The following MTSS1 variants were observed in gnomAD, a reference collection of about 807,000 sequenced individuals.
The protein encoded by MTSS1 is MTSS I-BAR domain containing 1, also known as protein MTSS 1.
Under a neutral mutation model 79.0 loss-of-function variants are expected in MTSS1, and 18 were observed. The ratio of observed to expected loss-of-function variants is 0.23; its 90% CI spans 0.16 to 0.34. The LOEUF (loss-of-function observed/expected upper bound fraction) is 0.34. Ranked by LOEUF, MTSS1 falls within the 10% of genes least tolerant of loss-of-function variation. The probability of loss-of-function intolerance (pLI) is 1.00; values close to 1 mark genes in which losing one functional copy is unlikely to be tolerated. For synonymous variants in MTSS1, 341 were observed against 368.6 expected (o/e 0.93, Z 0.86); for missense variants, 815 against 986.2 (o/e 0.83, Z 2.33).
intron 6 of MTSS1, among the ~76,000 whole-genome samples, chr8:124,573,133 C>T: frequency 6.6e-6 from 1 of 152,214 alleles, no homozygotes; most frequent in East Asian, 1.9e-4. Context: ...CTTAACATGG[C>T]CTGCCCTGCA....
At chr8:124,591,370 C>T (rs1032347000) in intron 3 of MTSS1, 135 bp from the exon 4 acceptor site, 1 of 705,922 alleles carries the variant, frequency 1.4e-6, no homozygotes. Context: ...AGCTTCTCAC[C>T]ATGCCCATGT....
At chr8:124,647,711 C>T (rs936877763) in intron 3 of MTSS1, among the ~76,000 whole-genome samples, 10 of 152,228 alleles carry the variant, frequency 6.6e-5, no homozygotes, top group African/African-American at 2.4e-4. Flanking sequence ...TGTTACAGCT[C>T]GTCAGCTATA....
At chr8:124,679,266 C>T (rs1825774124) in intron 3 of MTSS1, among the ~76,000 whole-genome samples, 1 of 152,170 alleles carries the variant, frequency 6.6e-6, no homozygotes, top group African/African-American at 2.4e-5. Flanking sequence ...TAGGTATGAC[C>T]ATCCTCACTG....
chr8:124,691,060 C>G (rs895806949), intron 3 of MTSS1, among the ~76,000 whole-genome samples: 1 of 152,132 alleles, frequency 6.6e-6, no homozygotes, highest in Non-Finnish European at 1.5e-5. Flanking sequence ...GTAAGACAAA[C>G]TTCACATGCC....
At chr8:124,675,058 GA>G (rs1264091953) in intron 3 of MTSS1, among the ~76,000 whole-genome samples, 1 of 152,198 alleles carries the variant, frequency 6.6e-6, no homozygotes, top group Admixed American at 6.5e-5. Flanking sequence ...TTCAAACAGA[GA>G]AAGCCAGCTC....
chr8:124,693,107 T>C (rs1189716061), intron 3 of MTSS1, among the ~76,000 whole-genome samples: 1 of 151,914 alleles, frequency 6.6e-6, no homozygotes, highest in Non-Finnish European at 1.5e-5. Context: ...TCCTCAAGCA[T>C]ACAAACAGGG....
Position 124,552,914 on chromosome 8 carries a change from A to G in MTSS1, c.*78T>C. 1 of 1,417,222 alleles carries G rather than the reference A, an allele frequency of 7.1e-7. No homozygotes were observed. Among genetic ancestry groups the G allele is most frequent in the Non-Finnish European group, 9.6e-7 (1 of 1,037,372 alleles). 87.8% of individuals were successfully genotyped at this position (1,417,222 alleles called of 1,614,324 possible). On this transcript the variant is annotated 3_prime_UTR_variant, in exon 14 of 14. Transcript: ENST00000518547. Reference sequence around the variant, plus strand: ...TGCCTACAAAATCTTTTGTTTTATTATAGAGTGGAATGGATCAAGACAAAT... The same window carrying G: ...TGCCTACAAAATCTTTTGTTTTATTGTAGAGTGGAATGGATCAAGACAAAT...
At chr8:124,627,673 C>CGGG (rs145263619) in intron 3 of MTSS1, among the ~76,000 whole-genome samples, 1 of 151,912 alleles carries the variant, frequency 6.6e-6, no homozygotes, top group African/African-American at 2.4e-5. Flanking sequence ...CCAGGGGTGG[C>CGGG]GGGGGGGTCC....
At position 124,585,130 on chromosome 8, in the gene MTSS1, CTTT is replaced by C; in HGVS notation, c.414_416del (p.Lys140del). The C allele has an allele frequency of 1.2e-6, 2 of 1,613,640 alleles. No individual in the cohort carries two copies. The highest frequency in any genetic ancestry group is 1.1e-5 in the South Asian group (1 of 90,982). On this transcript the variant is annotated inframe_deletion, in exon 6 of 14. Coordinates refer to ENST00000518547, the MANE Select transcript of MTSS1 (RefSeq NM_014751.6). The stretch of plus-strand genomic sequence containing the variant: ...GCAGTTTCAGCGTATCCGAGGACTT[CTTT>C]TTTATCTCTTGGCGGGCTTTCTTAT...
At chr8:124,653,992 A>T (rs1395685553) in intron 3 of MTSS1, among the ~76,000 whole-genome samples, 1 of 152,204 alleles carries the variant, frequency 6.6e-6, no homozygotes, top group Non-Finnish European at 1.5e-5. Flanking sequence ...TTCCTATCAC[A>T]GACTTCCATC....
At chr8:124,634,888 C>G (rs1001212509) in intron 3 of MTSS1, among the ~76,000 whole-genome samples, 1 of 152,236 alleles carries the variant, frequency 6.6e-6, no homozygotes, top group African/African-American at 2.4e-5. Context: ...TTCCCATGCA[C>G]ATTGGAGTTT....
At chr8:124,621,700 C>T (rs773559341) in intron 3 of MTSS1, among the ~76,000 whole-genome samples, 17 of 152,134 alleles carry the variant, frequency 1.1e-4, no homozygotes, top group Non-Finnish European at 2.1e-4. Flanking sequence ...AGGTGCACGC[C>T]ACCACACCTA....
At chr8:124,620,663 T>C (rs1480466672) in intron 3 of MTSS1, among the ~76,000 whole-genome samples, 2 of 152,184 alleles carry the variant, frequency 1.3e-5, no homozygotes, top group Non-Finnish European at 2.9e-5. Context: ...ACACCGATTT[T>C]ATTGCTAGAA....
chr8:124,587,795 A>G (rs1339576913), intron 5 of MTSS1, among the ~76,000 whole-genome samples: 1 of 152,156 alleles, frequency 6.6e-6, no homozygotes, highest in African/African-American at 2.4e-5. Context: ...ATGAGCCACC[A>G]CGCCTGGCCT....
At chr8:124,632,152 G>A (rs1054461808) in intron 3 of MTSS1, among the ~76,000 whole-genome samples, 1 of 150,956 alleles carries the variant, frequency 6.6e-6, no homozygotes, top group African/African-American at 2.4e-5. Context: ...GGTGGTGCAT[G>A]CCTGTAGTCC....
intron 8 of MTSS1, 143 bp from the exon 9 acceptor site, chr8:124,565,902 A>T (rs868021739): frequency 1.6e-4 from 92 of 583,980 alleles, no homozygotes; most frequent in African/African-American, 1.0e-3. Flanking sequence ...AATTTTTTTT[A>T]AATTGAAGAG....
At position 124,551,701 on chromosome 8, in the gene MTSS1, T is replaced by TAAC. The variant is rs889946472; in HGVS notation, c.*1288_*1290dup. 2.6e-4 allele frequency: 39 copies of TAAC among 152,232 alleles called. No individual in the cohort carries two copies. The highest frequency in any genetic ancestry group is 9.2e-4 in the African/African-American group (38 of 41,514). 9.4% of individuals were successfully genotyped at this position (152,232 alleles called of 1,614,324 possible). A position where few individuals can be genotyped will look rare whatever the true frequency, so the allele number is the denominator to read the frequency against. On this transcript the variant is annotated 3_prime_UTR_variant, in exon 14 of 14. Transcript: ENST00000518547. Reference sequence around the variant, plus strand: ...TGTTGGCTTTAGGGGATGGGCAGTATAACAAATTTAACTTCCACTTAGAAA... The same window carrying TAAC: ...TGTTGGCTTTAGGGGATGGGCAGTATAACAACAAATTTAACTTCCACTTAGAAA...
chr8:124,565,933 A>G (rs938108714), intron 8 of MTSS1, 174 bp from the exon 9 acceptor site: 34 of 507,736 alleles, frequency 6.7e-5, no homozygotes, highest in African/African-American at 6.6e-4. Flanking sequence ...AAATCCATCA[A>G]TATCATAATC....
chr8:124,591,381 G>A, intron 3 of MTSS1, 146 bp from the exon 4 acceptor site: 1 of 659,318 alleles, frequency 1.5e-6, no homozygotes, highest in South Asian at 1.8e-5. Flanking sequence ...ATGCCCATGT[G>A]TGCATACACA....
Sources: allele counts gnomAD v4.1 joint callset (sites outside exome capture counted in the v4.1 genomes callset), GRCh38; gene constraint gnomAD v4.1.1; transcripts MANE v1.5; gene names NCBI Gene and HGNC (gene_info 2026-07-23, HGNC 2026-07-21).